The following RAPGEF5 variants were observed in gnomAD, a reference collection of about 807,000 sequenced individuals.
The protein encoded by RAPGEF5 is Rap guanine nucleotide exchange factor 5.
Under a neutral mutation model 125.2 loss-of-function variants are expected in RAPGEF5, and 65 were observed. That is an observed-to-expected ratio of 0.52 (90% CI 0.43 to 0.64). RAPGEF5 has a LOEUF of 0.64. Among genes scored for constraint, RAPGEF5 ranks in the 30% least tolerant of loss-of-function variants. The pLI, the probability that RAPGEF5 is intolerant of heterozygous loss-of-function variation, is 0.00. For missense variants in RAPGEF5, 958 were observed against 1,048.1 expected, an observed-to-expected ratio of 0.91 and a Z score of 1.19; for synonymous variants, 391 against 385.9, an observed-to-expected ratio of 1.01 and a Z score of -0.16.
rs768415931 is a variant in RAPGEF5, at chr7:22,154,475, A to G, written c.1766T>C (p.Val589Ala). 37 of 1,613,812 alleles carry G rather than the reference A, an allele frequency of 2.3e-5. No individual in the cohort carries two copies. The highest frequency in any genetic ancestry group is 3.1e-5 in the Non-Finnish European group (36 of 1,179,796). The change falls in exon 17 of 26, where the codon GTG becomes GCG. Residue 589 changes from valine (V) to alanine (A), a missense_variant. By Grantham distance (64) the Val-to-Ala change is moderately conservative. Coordinates refer to ENST00000665637, the MANE Select transcript of RAPGEF5 (RefSeq NM_012294.5). ...IQYAEEDLAL[V>A]AITFSGEKHE... ...CTTACCCCCAGAGAATGTGATGGCC[A>G]CCAGAGCCAGATCCTCTTCTGCATA...
chr7:22,258,565 G>T (rs1782061604), intron 7 of RAPGEF5, among the ~76,000 whole-genome samples: 1 of 148,354 alleles, frequency 6.7e-6, no homozygotes, highest in African/African-American at 2.5e-5. Flanking sequence ...CAGAGGTTGT[G>T]GTGAGCCAAG....
At chr7:22,324,958 T>A (rs1455802149) in intron 1 of RAPGEF5, among the ~76,000 whole-genome samples, 5 of 152,228 alleles carry the variant, frequency 3.3e-5, no homozygotes, top group Non-Finnish European at 7.3e-5. Flanking sequence ...TGCACTTCTC[T>A]ACAGACACTC....
chr7:22,266,719 T>G (rs1256596811), intron 7 of RAPGEF5, among the ~76,000 whole-genome samples: 1 of 152,214 alleles, frequency 6.6e-6, no homozygotes, highest in Admixed American at 6.5e-5. Context: ...AACTTTAAAT[T>G]TCATTTTTTC....
intron 8 of RAPGEF5, 85 bp downstream of exon 8, chr7:22,230,761 C>CTATATCATTTTT: frequency 8.0e-7 from 1 of 1,243,294 alleles, no homozygotes. Context: ...AAGGTAAAAC[C>CTATATCATTTTT]TATATCATTT....
intron 9 of RAPGEF5, among the ~76,000 whole-genome samples, chr7:22,204,787 G>A (rs1300875256): frequency 6.6e-6 from 1 of 152,226 alleles, no homozygotes; most frequent in Non-Finnish European, 1.5e-5. Flanking sequence ...GTAACAGGAA[G>A]TTGGTATTAA....
intron 7 of RAPGEF5, among the ~76,000 whole-genome samples, chr7:22,248,039 G>A (rs1057469982): frequency 4.6e-5 from 7 of 152,098 alleles, no homozygotes; most frequent in African/African-American, 1.4e-4. Flanking sequence ...CCTGGGTGAC[G>A]GGATCATGCA....
At chr7:22,284,340 C>A (rs891317599) in intron 6 of RAPGEF5, among the ~76,000 whole-genome samples, 1 of 152,116 alleles carries the variant, frequency 6.6e-6, no homozygotes, top group Admixed American at 6.5e-5. Flanking sequence ...GCCCAAGGCC[C>A]ATTGGATGAG....
At chr7:22,289,099 A>G (rs1039524778) in intron 6 of RAPGEF5, among the ~76,000 whole-genome samples, 1 of 152,322 alleles carries the variant, frequency 6.6e-6, no homozygotes, top group Admixed American at 6.5e-5. Context: ...CAGTGTCTGC[A>G]GTGAAGCTTT....
intron 3 of RAPGEF5, among the ~76,000 whole-genome samples, chr7:22,311,607 T>C (rs560250088): frequency 1.3e-5 from 2 of 152,324 alleles, no homozygotes; most frequent in South Asian, 2.1e-4. Context: ...ATATATTTGG[T>C]AAAGTGTCAC....
At chr7:22,238,542 T>C (rs576117991) in intron 7 of RAPGEF5, among the ~76,000 whole-genome samples, 1 of 152,216 alleles carries the variant, frequency 6.6e-6, no homozygotes, top group Non-Finnish European at 1.5e-5. Flanking sequence ...TGGCGTTGCC[T>C]TGTTAGGCCT....
At chr7:22,353,351 T>C (rs1272910974) in intron 1 of RAPGEF5, among the ~76,000 whole-genome samples, 1 of 152,208 alleles carries the variant, frequency 6.6e-6, no homozygotes, top group African/African-American at 2.4e-5. Flanking sequence ...TTGAGAAAAT[T>C]TGAATATGGA....
intron 14 of RAPGEF5, among the ~76,000 whole-genome samples, chr7:22,158,462 A>C (rs1783882618): frequency 6.6e-6 from 1 of 152,178 alleles, no homozygotes; most frequent in African/African-American, 2.4e-5. Flanking sequence ...ATACATCATT[A>C]GGTGAACTAT....
At chr7:22,246,966 C>T (rs898981247) in intron 7 of RAPGEF5, among the ~76,000 whole-genome samples, 12 of 152,170 alleles carry the variant, frequency 7.9e-5, no homozygotes, top group Non-Finnish European at 1.2e-4. Context: ...AGCCAATAAA[C>T]ATATGAAGAA....
intron 7 of RAPGEF5, among the ~76,000 whole-genome samples, chr7:22,236,311 C>G (rs1786186944): frequency 6.6e-6 from 1 of 152,148 alleles, no homozygotes; most frequent in Non-Finnish European, 1.5e-5. Flanking sequence ...TTTCTGCCCA[C>G]TTCTCTGAGT....
chr7:22,343,115 T>G (rs1784159318), intron 1 of RAPGEF5, among the ~76,000 whole-genome samples: 1 of 152,184 alleles, frequency 6.6e-6, no homozygotes, highest in African/African-American at 2.4e-5. Context: ...TGGAGAGGCC[T>G]CACAATCACG....
chr7:22,303,900 G>C (rs1050160059), intron 5 of RAPGEF5, among the ~76,000 whole-genome samples: 1 of 152,160 alleles, frequency 6.6e-6, no homozygotes, highest in African/African-American at 2.4e-5. Context: ...AATTTGACTG[G>C]AAAAAGGCAA....
intron 7 of RAPGEF5, among the ~76,000 whole-genome samples, chr7:22,248,335 A>G (rs1786531725): frequency 6.6e-6 from 1 of 152,176 alleles, no homozygotes; most frequent in African/African-American, 2.4e-5. Flanking sequence ...ATCAACTTCA[A>G]CTAACTTGGA....
chr7:22,266,889 G>C, intron 7 of RAPGEF5, 75 bp downstream of exon 7: 1 of 1,426,650 alleles, frequency 7.0e-7, no homozygotes. Context: ...ACACTCAACT[G>C]CACACTACCA....
rs116986971 is a variant in RAPGEF5 at position 22,329,447 on chromosome 7, T to C, written c.232-11410A>G. 8.8e-3 allele frequency among the ~76,000 whole-genome samples: 1,335 copies of C among 152,250 alleles called. 66 individuals carry two copies. Among genetic ancestry groups the C allele is most frequent in the Admixed American group, 0.075 (1,151 of 15,294 alleles). ...AGGGTATGTTTACTACTTAAAAGGA[T>C]TCCCCCCACTCTGGTTCCTCCTCCC... On this transcript the variant is annotated intron_variant, in intron 1 of 25. Transcript: ENST00000665637.
Sources: gnomAD v4.1 joint callset for allele counts (sites outside exome capture counted in the v4.1 genomes callset) on GRCh38, gnomAD v4.1.1 for gene constraint, MANE v1.5 for transcripts, NCBI Gene and HGNC (gene_info 2026-07-23, HGNC 2026-07-21) for gene names.